The following TANGO6 variants were observed in gnomAD, a reference collection of about 807,000 sequenced individuals.
The protein encoded by TANGO6 is transport and Golgi organization protein 6 homolog.
TANGO6 carries 90 observed loss-of-function variants against 114.2 expected under a neutral mutation model. The observed-to-expected ratio is 0.79, with a 90% CI of 0.66 to 0.94. TANGO6 has a LOEUF of 0.94. Among genes scored for constraint, TANGO6 ranks in the 40% least tolerant of loss-of-function variants. The pLI is 0.00. For synonymous variants in TANGO6, 477 were observed against 509.8 expected (o/e 0.94, Z 0.87); for missense variants, 1,274 against 1,315.3 (o/e 0.97, Z 0.49).
In TANGO6 at chr16:68,877,612, A is replaced by G. The variant is rs991870942; in HGVS notation, c.1132-506A>G. The stretch of plus-strand genomic sequence containing the variant: ...TGCAAGTATGAGAGGTGGGCAAAAA[A>G]AATTTTTTTTTTTGAGATGGAGTCT... On this transcript the variant is annotated intron_variant, in intron 5 of 17. Coordinates refer to ENST00000261778, the MANE Select transcript of TANGO6 (RefSeq NM_024562.2). Among the ~76,000 whole-genome samples, 11 of 151,992 alleles carry G rather than the reference A, an allele frequency of 7.2e-5. 1 individual carries two copies. In the South Asian group the frequency reaches 8.3e-4, roughly 11 times the overall value.
chr16:68,843,736 G>A, intron 1 of TANGO6, 25 bp downstream of exon 1: 2 of 1,611,684 alleles, frequency 1.2e-6, no homozygotes, highest in South Asian at 1.1e-5. Flanking sequence ...CTCCGCGCCG[G>A]GCTGGACCCG....
At chr16:68,957,305 A>G (rs1234034715) in intron 14 of TANGO6, among the ~76,000 whole-genome samples, 1 of 152,038 alleles carries the variant, frequency 6.6e-6, no homozygotes, top group Admixed American at 6.6e-5. Flanking sequence ...ACTCTATAAC[A>G]TTAGGCAATA....
In TANGO6 at chr16:68,964,763, G is replaced by T. The variant is rs151231297; in HGVS notation, c.2702-9265G>T. On this transcript the variant is annotated intron_variant, in intron 14 of 17. Coordinates refer to ENST00000261778, the MANE Select transcript of TANGO6 (RefSeq NM_024562.2). ...TTTTTTTCAGTAGAGACGGGATTTCGCTATGTTGGCCTGGCCAGTCTCGAA... is the reference window on the plus strand; with the variant it reads ...TTTTTTTCAGTAGAGACGGGATTTCTCTATGTTGGCCTGGCCAGTCTCGAA... Among the ~76,000 whole-genome samples, 4 of 151,418 alleles carry T rather than the reference G, an allele frequency of 2.6e-5. No homozygotes were observed. In the East Asian group the frequency reaches 7.8e-4, roughly 29 times the overall value.
chr16:69,029,876 G>A (rs1959565272), intron 16 of TANGO6, among the ~76,000 whole-genome samples: 1 of 152,118 alleles, frequency 6.6e-6, no homozygotes, highest in South Asian at 2.1e-4. Context: ...GGGAGGCCAA[G>A]GTGGGTGGAT....
intron 17 of TANGO6, among the ~76,000 whole-genome samples, chr16:69,041,637 C>A (rs563953202): frequency 6.6e-5 from 10 of 152,136 alleles, no homozygotes; most frequent in Non-Finnish European, 7.3e-5. Flanking sequence ...ACCTCACTAG[C>A]GAGGCCATTG....
intron 8 of TANGO6, among the ~76,000 whole-genome samples, chr16:68,901,414 CAA>C (rs1235726965): frequency 6.6e-5 from 10 of 152,168 alleles, no homozygotes; most frequent in Non-Finnish European, 1.5e-4. Context: ...ATGGCAACGA[CAA>C]GAGAGAATGC....
chr16:68,981,135 T>C (rs538577691), intron 15 of TANGO6, among the ~76,000 whole-genome samples: 2 of 152,212 alleles, frequency 1.3e-5, no homozygotes, highest in South Asian at 4.2e-4. Context: ...ATCTGTTTCC[T>C]CTTATGTGGT....
At chr16:68,853,972 T>C (rs1439842707) in intron 1 of TANGO6, among the ~76,000 whole-genome samples, 3 of 152,326 alleles carry the variant, frequency 2.0e-5, no homozygotes, top group Admixed American at 6.5e-5. Context: ...TAAAAAATAG[T>C]TTGTTTTATT....
intron 14 of TANGO6, among the ~76,000 whole-genome samples, chr16:68,931,040 C>G (rs918081674): frequency 2.0e-5 from 3 of 152,136 alleles, no homozygotes; most frequent in Non-Finnish European, 4.4e-5. Context: ...CTTTATTTCT[C>G]TTTTTATGGT....
rs1457098116 is a variant in TANGO6 at position 68,859,879 on chromosome 16, A to C, written c.95-5A>C. The C allele has an allele frequency of 1.9e-6, 3 of 1,544,448 alleles. No homozygotes were observed. The African/African-American group carries it at 4.2e-5, about 21-fold the overall frequency. On this transcript the variant is annotated splice_polypyrimidine_tract_variant and splice_region_variant and intron_variant, in intron 1 of 17. Coordinates refer to ENST00000261778, the MANE Select transcript of TANGO6 (RefSeq NM_024562.2). ...ATAAACTCTCCTTTTTTTCTTCTTC[A>C]AAAGGCTCGGGCTCAAGTTCACTAC...
chr16:68,973,848 AC>A, intron 14 of TANGO6, 179 bp from the exon 15 acceptor site: 1 of 645,952 alleles, frequency 1.5e-6, no homozygotes, highest in Non-Finnish European at 2.7e-6. Context: ...AGTCTCAACT[AC>A]CAGGCCCATC....
intron 15 of TANGO6, 83 bp from the exon 16 acceptor site, chr16:69,022,745 G>A (rs904051645): frequency 7.0e-7 from 1 of 1,423,420 alleles, no homozygotes; most frequent in Non-Finnish European, 9.5e-7. Flanking sequence ...ATCATGCAGT[G>A]AACTATGGAA....
chr16:69,013,704 C>T (rs1381181440), intron 15 of TANGO6, among the ~76,000 whole-genome samples: 1 of 150,476 alleles, frequency 6.6e-6, no homozygotes, highest in African/African-American at 2.5e-5. Flanking sequence ...TCACACAGGC[C>T]AGAGTGCAGT....
intron 11 of TANGO6, among the ~76,000 whole-genome samples, chr16:68,911,855 G>A (rs1279072258): frequency 6.6e-6 from 1 of 152,200 alleles, no homozygotes; most frequent in African/African-American, 2.4e-5. Context: ...ATACAAGGAA[G>A]CGACCTGAGA....
chr16:68,998,652 A>G (rs1487417696), intron 15 of TANGO6, among the ~76,000 whole-genome samples: 1 of 149,838 alleles, frequency 6.7e-6, no homozygotes, highest in South Asian at 2.1e-4. Flanking sequence ...AATTGCTTGA[A>G]CCTGGAAGGC....
Position 69,083,591 on chromosome 16 carries a change from T to C in TANGO6, c.3215T>C (p.Leu1072Pro). 1.3e-6 allele frequency: 2 copies of C among 1,598,770 alleles called. No homozygotes were observed. Among genetic ancestry groups the C allele is most frequent in the Non-Finnish European group, 1.7e-6 (2 of 1,172,652 alleles). ...KLHAQLALEE[L>P]DDIMKNFLFP... is the part of the protein sequence containing the mutation. ...CATGCCCAGTTGGCCCTAGAAGAGC[T>C]GGATGACATCATGAAAAACTTCCTG... The change falls in exon 18 of 18, where the codon CTG becomes CCG. Residue 1072 changes from leucine (L) to proline (P), a missense_variant. This residue lies in a region of TANGO6 where 238 missense variants were observed against 252.9 expected (regional missense o/e 0.94). Transcript: ENST00000261778.
At chr16:69,049,891 A>G (rs990864066) in intron 17 of TANGO6, among the ~76,000 whole-genome samples, 1 of 152,046 alleles carries the variant, frequency 6.6e-6, no homozygotes, top group Non-Finnish European at 1.5e-5. Flanking sequence ...TGGCTCATCC[A>G]TGGTGTAGCA....
chr16:68,876,546 C>T (rs1962363742), intron 5 of TANGO6, among the ~76,000 whole-genome samples: 1 of 151,886 alleles, frequency 6.6e-6, no homozygotes, highest in Admixed American at 6.6e-5. Flanking sequence ...TTTGGCCAGG[C>T]ACAGTGGCTC....
intron 15 of TANGO6, among the ~76,000 whole-genome samples, chr16:68,978,925 A>ATTT (rs58270481): frequency 4.5e-5 from 6 of 134,638 alleles, no homozygotes; most frequent in East Asian, 2.1e-4. Flanking sequence ...AAAGTATATG[A>ATTT]TTTTTTTTTT....
Sources: gnomAD v4.1 joint callset for allele counts (sites outside exome capture counted in the v4.1 genomes callset) on GRCh38, gnomAD v4.1.1 for gene constraint, gnomAD v4.1.1 regional missense constraint, MANE v1.5 for transcripts, NCBI Gene and HGNC (gene_info 2026-07-23, HGNC 2026-07-21) for gene names.